Variants in DGLUCY observed in about 807,000 individuals in gnomAD.
The protein encoded by DGLUCY is D-glutamate cyclase, mitochondrial.
In DGLUCY, 58 loss-of-function variants were observed where a neutral mutation model predicts 58.5. That is an observed-to-expected ratio of 0.99 (90% CI 0.80 to 1.23). The LOEUF is 1.23. Among genes scored for constraint, DGLUCY ranks in the 50% most tolerant of loss-of-function variants. The pLI, the probability that DGLUCY is intolerant of heterozygous loss-of-function variation, is 0.00. For synonymous variants in DGLUCY, 325 were observed against 314.1 expected, an observed-to-expected ratio of 1.03 and a Z score of -0.37; for missense variants, 779 against 784.7, an observed-to-expected ratio of 0.99 and a Z score of 0.09.
intron 1 of DGLUCY, among the ~76,000 whole-genome samples, chr14:91,118,558 T>A (rs1026558529): frequency 6.6e-6 from 1 of 152,220 alleles, no homozygotes; most frequent in Non-Finnish European, 1.5e-5. Context: ...TGTCATTTGA[T>A]AGAGTCAGGT....
chr14:91,131,964 T>C (rs192352697), intron 1 of DGLUCY, among the ~76,000 whole-genome samples: 1 of 152,322 alleles, frequency 6.6e-6, no homozygotes, highest in East Asian at 1.9e-4. Flanking sequence ...CAGCTAATTT[T>C]GTATTTTTAG....
intron 10 of DGLUCY, among the ~76,000 whole-genome samples, chr14:91,198,133 C>A (rs142397578): frequency 9.8e-4 from 150 of 152,302 alleles, no homozygotes; most frequent in African/African-American, 3.2e-3. Flanking sequence ...GCCTCTGCCT[C>A]CCGGGTTCAA....
intron 12 of DGLUCY, among the ~76,000 whole-genome samples, chr14:91,208,479 T>C (rs1263834597): frequency 6.6e-6 from 1 of 152,220 alleles, no homozygotes; most frequent in Non-Finnish European, 1.5e-5. Flanking sequence ...CCAGGCACGG[T>C]GGCTCACGCC....
At chr14:91,203,677 GTTTT>G (rs142610008) in intron 11 of DGLUCY, among the ~76,000 whole-genome samples, 271 of 145,304 alleles carry the variant, frequency 1.9e-3, no homozygotes, top group Non-Finnish European at 2.0e-3. Context: ...TTTTTTGTGT[GTTTT>G]TTTTTTTTTT....
Position 91,217,851 on chromosome 14 carries a change from C to G in DGLUCY, c.1716+2295C>G, listed in dbSNP as rs142671436. ...CTCTTCCCTTTTTCCTTCTGTCTGT[C>G]TCTCCCTCTCTGTTTCTCTGTGTCT... On this transcript the variant is annotated intron_variant, in intron 13 of 13. Transcript: ENST00000256324. Among the ~76,000 whole-genome samples, 235 of 152,222 alleles carry G rather than the reference C, an allele frequency of 1.5e-3. 2 individuals are homozygous for G. Among genetic ancestry groups the G allele is most frequent in the African/African-American group, 4.4e-3 (183 of 41,530 alleles).
At chr14:91,193,455 CTTACA>C (rs943378919) in intron 9 of DGLUCY, among the ~76,000 whole-genome samples, 7 of 152,208 alleles carry the variant, frequency 4.6e-5, no homozygotes, top group Non-Finnish European at 8.8e-5. Flanking sequence ...TTTTACAGAA[CTTACA>C]TTACATTTGC....
chr14:91,168,371 C>G (rs1241607778), intron 4 of DGLUCY, among the ~76,000 whole-genome samples: 1 of 152,132 alleles, frequency 6.6e-6, no homozygotes, highest in Non-Finnish European at 1.5e-5. Flanking sequence ...TCAGTTTCTC[C>G]CCTGACCCCT....
At chr14:91,191,360 C>G (rs1260836451) in intron 9 of DGLUCY, among the ~76,000 whole-genome samples, 1 of 152,042 alleles carries the variant, frequency 6.6e-6, no homozygotes, top group Non-Finnish European at 1.5e-5. Context: ...TGAGAAAGTT[C>G]TGGAGATGAA....
intron 1 of DGLUCY, among the ~76,000 whole-genome samples, chr14:91,134,409 A>G (rs142561035): frequency 1.4e-4 from 21 of 151,156 alleles, no homozygotes; most frequent in Middle Eastern, 3.5e-3. Flanking sequence ...TATTCATGCT[A>G]TTATAGATGG....
chr14:91,214,008 TTTTG>T (rs1252448094), intron 12 of DGLUCY, among the ~76,000 whole-genome samples: 3 of 140,610 alleles, frequency 2.1e-5, no homozygotes, highest in African/African-American at 8.1e-5. Context: ...CCAAGGGAGT[TTTTG>T]TTTGTTATTT....
chr14:91,167,527 C>T (rs760688324), intron 4 of DGLUCY, 149 bp downstream of exon 4: 7 of 1,025,872 alleles, frequency 6.8e-6, no homozygotes, highest in East Asian at 2.5e-5. Flanking sequence ...TGCTCAGGAA[C>T]GAGCTGCCCT....
intron 10 of DGLUCY, among the ~76,000 whole-genome samples, chr14:91,198,825 G>A (rs2050377069): frequency 6.6e-6 from 1 of 152,048 alleles, no homozygotes; most frequent in South Asian, 2.1e-4. Context: ...GTGTGGTCAT[G>A]TCACCCTACA....
chr14:91,107,268 C>T (rs2044608278), upstream of DGLUCY, among the ~76,000 whole-genome samples: 1 of 152,070 alleles, frequency 6.6e-6, no homozygotes, highest in Non-Finnish European at 1.5e-5. Context: ...CCTGTAATCC[C>T]GGCACTTTGG....
chr14:91,168,273 T>C (rs2048388324), intron 4 of DGLUCY, among the ~76,000 whole-genome samples: 1 of 151,494 alleles, frequency 6.6e-6, no homozygotes, highest in Non-Finnish European at 1.5e-5. Flanking sequence ...CTAAAATATA[T>C]ATATATAAAA....
chr14:91,120,389 G>T (rs2045275773), intron 1 of DGLUCY, among the ~76,000 whole-genome samples: 6 of 152,048 alleles, frequency 3.9e-5, no homozygotes, highest in Admixed American at 3.3e-4. Context: ...CCAGGAAAAA[G>T]AAATCTGATA....
chr14:91,143,521 C>T (rs1356932409), intron 1 of DGLUCY, among the ~76,000 whole-genome samples: 2 of 152,154 alleles, frequency 1.3e-5, no homozygotes, highest in African/African-American at 4.8e-5. Flanking sequence ...AAACAAGTGG[C>T]CTGGTCTCCA....
chr14:91,113,515 C>A (rs2044747913), upstream of DGLUCY, among the ~76,000 whole-genome samples: 1 of 152,124 alleles, frequency 6.6e-6, no homozygotes, highest in Non-Finnish European at 1.5e-5. Flanking sequence ...CTCAGTCAAT[C>A]GTCAGAGCAG....
chr14:91,223,284 A>G (rs1241482730), intron 13 of DGLUCY, among the ~76,000 whole-genome samples: 2 of 152,230 alleles, frequency 1.3e-5, no homozygotes, highest in African/African-American at 4.8e-5. Context: ...TCCCTGGTTC[A>G]GGGCCTGACA....
At chr14:91,122,257 C>T (rs8011105) in intron 1 of DGLUCY, among the ~76,000 whole-genome samples, 127,160 of 151,842 alleles carry the variant, frequency 0.84, 53,610 homozygotes, top group East Asian at 1. Context: ...CTTGACCTCC[C>T]GGGCTCCCAC....
Sources: gnomAD v4.1 joint callset for allele counts (sites outside exome capture counted in the v4.1 genomes callset) on GRCh38, gnomAD v4.1.1 for gene constraint, MANE v1.5 for transcripts, NCBI Gene and HGNC (gene_info 2026-07-23, HGNC 2026-07-21) for gene names.